The following TACC2 variants were observed in gnomAD, a reference collection of about 807,000 sequenced individuals.
TACC2 encodes the protein transforming acidic coiled-coil containing protein 2, also known as transforming acidic coiled-coil-containing protein 2.
A neutral mutation model predicts 227.3 loss-of-function variants in TACC2; 137 were observed. That is an observed-to-expected ratio of 0.60 (90% CI 0.52 to 0.69). The LOEUF (loss-of-function observed/expected upper bound fraction) is 0.69, where lower values mean the gene tolerates loss of function less well. Among genes scored for constraint, TACC2 ranks in the 30% least tolerant of loss-of-function variants. The pLI is 0.00. For synonymous variants in TACC2, 1,523 were observed against 1,487.5 expected, an observed-to-expected ratio of 1.02 and a Z score of -0.55; for missense variants, 3,470 against 3,694.4, an observed-to-expected ratio of 0.94 and a Z score of 1.57.
chr10:122,226,523 G>A lies in TACC2; in HGVS notation c.7724+42G>A, dbSNP rs192010004. Reference sequence around the variant, plus strand: ...GAGAGAGTTACACATCATGCTGGATGTTCTAAAGCCTCTGAGCACCTTCAT... The same window carrying A: ...GAGAGAGTTACACATCATGCTGGATATTCTAAAGCCTCTGAGCACCTTCAT... On this transcript the variant is annotated intron_variant, in intron 13 of 22. Coordinates refer to ENST00000369005, the MANE Select transcript of TACC2 (RefSeq NM_206862.4). The A allele has an allele frequency of 5.8e-5, 83 of 1,425,564 alleles. No homozygotes were observed. The African/African-American group carries it at 1.1e-3, about 19-fold the overall frequency. The allele number at this position is 1,425,564 out of a possible 1,614,324, so 88.3% of individuals were successfully genotyped here.
At chr10:122,145,270 T>G (rs1197942916) in intron 7 of TACC2, among the ~76,000 whole-genome samples, 2 of 152,188 alleles carry the variant, frequency 1.3e-5, no homozygotes. Context: ...AACCCAGATA[T>G]CTATCCACTG....
At chr10:122,149,165 G>C (rs1260428403) in intron 7 of TACC2, among the ~76,000 whole-genome samples, 1 of 152,270 alleles carries the variant, frequency 6.6e-6, no homozygotes, top group Non-Finnish European at 1.5e-5. Flanking sequence ...TTGTGGCAAA[G>C]AGCCTGGTGT....
At chr10:122,100,804 T>C (rs563501217) in intron 5 of TACC2, among the ~76,000 whole-genome samples, 1 of 152,308 alleles carries the variant, frequency 6.6e-6, no homozygotes, top group African/African-American at 2.4e-5. Context: ...AGGCCCAGAC[T>C]GTAAAGACAT....
chr10:122,123,556 G>A (rs566916796), intron 5 of TACC2, among the ~76,000 whole-genome samples: 2 of 152,318 alleles, frequency 1.3e-5, no homozygotes, highest in South Asian at 2.1e-4. Context: ...TGTGTGTTCC[G>A]CATGTCGTGG....
At position 122,082,966 on chromosome 10, in the gene TACC2, G is replaced by C; in HGVS notation, c.466G>C (p.Ala156Pro). 6.2e-7 allele frequency: 1 copy of C among 1,612,830 alleles called. No homozygotes were observed. The highest frequency in any genetic ancestry group is 8.5e-7 in the Non-Finnish European group (1 of 1,179,994). Residue 156 changes from alanine (A) to proline (P), a missense_variant, in exon 4 of 23, where the codon GCT becomes CCT. Ala to Pro is a conservative substitution (Grantham distance 27). This residue lies in a region of TACC2 where 405 missense variants were observed against 389.6 expected (regional missense o/e 1.04). Transcript: ENST00000369005. Reference protein sequence around the residue: ...APGDIAAAFPAERDSSTPYQE... With the variant: ...APGDIAAAFPPERDSSTPYQE... The stretch of plus-strand genomic sequence containing the variant: ...AGGAGACATCGCGGCGGCATTTCCC[G>C]CTGAGAGGGACAGCTCTACTCCATA...
chr10:122,246,385 G>C (rs1185564144), intron 19 of TACC2: 1 of 152,198 alleles, frequency 6.6e-6, no homozygotes, highest in Non-Finnish European at 1.5e-5. Flanking sequence ...AGTGTGCCTA[G>C]TCCTGGGGTA....
chr10:122,098,361 T>G (rs1192886363), intron 5 of TACC2, among the ~76,000 whole-genome samples: 3 of 152,216 alleles, frequency 2.0e-5, no homozygotes. Context: ...ATACCTTGCA[T>G]GAGGCACCTT....
chr10:122,113,772 C>G (rs963054101), intron 5 of TACC2, among the ~76,000 whole-genome samples: 1 of 152,264 alleles, frequency 6.6e-6, no homozygotes, highest in Non-Finnish European at 1.5e-5. Context: ...CGAATAGTTA[C>G]GTCAGCAGGG....
Position 122,194,887 on chromosome 10 carries a change from C to T in TACC2, c.5835-153C>T, listed in dbSNP as rs543328955. Among the ~76,000 whole-genome samples the T allele has an allele frequency of 8.1e-4, 124 of 152,292 alleles. 2 individuals carry two copies. Among genetic ancestry groups the T allele is most frequent in the African/African-American group, 2.7e-3 (113 of 41,556 alleles). ...TGATAAGATTCAACCTTAGGAATCA[C>T]GACTGAGAAAATGACTTTCCTCTCA... On this transcript the variant is annotated intron_variant, in intron 7 of 22. Transcript: ENST00000369005. The surrounding 1 kb of genome is among the most constrained non-coding windows in gnomAD (Gnocchi z 4.4).
chr10:122,176,312 G>A lies in TACC2; in HGVS notation c.5835-18728G>A, dbSNP rs968422091. Among the ~76,000 whole-genome samples the A allele has an allele frequency of 2.6e-5, 4 of 151,706 alleles. No individual in the cohort carries two copies. In the South Asian group the frequency reaches 6.2e-4, roughly 24 times the overall value. On this transcript the variant is annotated intron_variant, in intron 7 of 22. Transcript: ENST00000369005. ...AATATATGGGTCCTTATTCTTAGAA[G>A]TAGGAGGCTGGCTTTGTCATTTAGG...
chr10:122,211,166 A>C lies in TACC2; in HGVS notation c.6741A>C (p.Pro2247=). 1 of 1,612,104 alleles carries C rather than the reference A, an allele frequency of 6.2e-7. No individual in the cohort carries two copies. Among genetic ancestry groups the C allele is most frequent in the Non-Finnish European group, 8.5e-7 (1 of 1,179,008 alleles). The change falls in exon 9 of 23, where the codon CCA becomes CCC. Residue 2247 remains proline, a synonymous_variant. Transcript: ENST00000369005. ...TTAPEAGEVT[P]SDSGGQEDSP... is the part of the protein sequence containing the mutation. ...CCCCGGAGGCAGGGGAGGTAACCCC[A>C]TCGGATAGCGGGGGGCAAGAGGACT...
intron 7 of TACC2, among the ~76,000 whole-genome samples, chr10:122,170,992 T>C (rs1458722410): frequency 8.5e-6 from 1 of 117,528 alleles, no homozygotes; most frequent in Non-Finnish European, 1.8e-5. Context: ...ACTGCAGGGC[T>C]TGTGAGGAGG....
Position 122,086,379 on chromosome 10 carries a change from C to T in TACC2, c.3879C>T (p.Pro1293=). The T allele has an allele frequency of 6.2e-7, 1 of 1,613,664 alleles. No individual in the cohort carries two copies. Among genetic ancestry groups the T allele is most frequent in the Non-Finnish European group, 8.5e-7 (1 of 1,180,010 alleles). The change falls in exon 4 of 23, where the codon CCC becomes CCT. Residue 1293 remains proline (P), a synonymous_variant. Transcript: ENST00000369005. ...AGCTGTTTGCTGGCTCCCTCGCCCC[C>T]CTGTTGCAACCAGGAGCTGCAGGTG... ...SLKLFAGSLA[P]LLQPGAAGGE... is the part of the protein sequence containing the mutation.
At chr10:122,225,289 G>A (rs958547469) in intron 12 of TACC2, among the ~76,000 whole-genome samples, 6 of 152,182 alleles carry the variant, frequency 3.9e-5, no homozygotes, top group Admixed American at 2.0e-4. Context: ...CGATGCCCTC[G>A]GAGACGTGTG....
At chr10:122,042,033 C>T (rs1333830507) in intron 2 of TACC2, among the ~76,000 whole-genome samples, 1 of 152,206 alleles carries the variant, frequency 6.6e-6, no homozygotes, top group East Asian at 1.9e-4. Context: ...GCAAGCTCCA[C>T]CTCCCAGGTT....
At chr10:122,195,234 G>A in intron 8 of TACC2, 58 bp downstream of exon 8, 1 of 1,482,604 alleles carries the variant, frequency 6.7e-7, no homozygotes, top group Non-Finnish European at 9.1e-7. Flanking sequence ...CCCTGGGGGA[G>A]ATTTGCAGCA....
chr10:122,068,641 T>C (rs958640595), intron 3 of TACC2, among the ~76,000 whole-genome samples: 3 of 149,404 alleles, frequency 2.0e-5, no homozygotes, highest in Non-Finnish European at 4.4e-5. Flanking sequence ...CCCAGCTCTG[T>C]GTGAGCTGTG....
intron 5 of TACC2, among the ~76,000 whole-genome samples, chr10:122,131,679 C>T (rs1171510481): frequency 1.3e-5 from 2 of 152,168 alleles, no homozygotes; most frequent in Non-Finnish European, 2.9e-5. Flanking sequence ...GGATGTTGAA[C>T]CTGTCCTTTT....
At chr10:122,066,294 ACAGAGT>A (rs1452634260) in intron 3 of TACC2, among the ~76,000 whole-genome samples, 16 of 146,976 alleles carry the variant, frequency 1.1e-4, no homozygotes, top group African/African-American at 4.0e-4. Flanking sequence ...TTTTTTTGAG[ACAGAGT>A]CTCTGTCGCA....
Sources: gnomAD v4.1 joint callset for allele counts (sites outside exome capture counted in the v4.1 genomes callset) on GRCh38, gnomAD v4.1.1 for gene constraint, gnomAD v4.1.1 regional missense constraint, Gnocchi (gnomAD v3.1) non-coding constraint, MANE v1.5 for transcripts, NCBI Gene and HGNC (gene_info 2026-07-23, HGNC 2026-07-21) for gene names.